SYNPR: variants seen among roughly 807,000 people sequenced by gnomAD.
The protein encoded by SYNPR is synaptoporin.
Under a neutral mutation model 32.9 loss-of-function variants are expected in SYNPR, and 23 were observed. That is an observed-to-expected ratio of 0.70 (90% CI 0.50 to 0.99). The LOEUF is 0.99. SYNPR is among the 50% of genes least tolerant of loss of function. The pLI, the probability that SYNPR is intolerant of heterozygous loss-of-function variation, is 0.00. For missense variants in SYNPR, 318 were observed against 349.3 expected, an observed-to-expected ratio of 0.91 and a Z score of 0.71; for synonymous variants, 146 against 135.9, an observed-to-expected ratio of 1.07 and a Z score of -0.52.
At chr3:63,529,125 C>T (rs17398359) in intron 3 of SYNPR, among the ~76,000 whole-genome samples, 8 of 152,200 alleles carry the variant, frequency 5.3e-5, no homozygotes, top group African/African-American at 1.9e-4. Context: ...TTTATACACA[C>T]ACATAGAAGG....
intron 3 of SYNPR, among the ~76,000 whole-genome samples, chr3:63,482,467 C>A (rs891367702): frequency 2.6e-5 from 4 of 152,134 alleles, no homozygotes; most frequent in African/African-American, 9.7e-5. Context: ...GAGCTTAATG[C>A]CACCAGCCAG....
chr3:63,256,394 C>G (rs1333556186), intron 2 of SYNPR, among the ~76,000 whole-genome samples: 1 of 152,194 alleles, frequency 6.6e-6, no homozygotes, highest in Non-Finnish European at 1.5e-5. Context: ...GATCAGGCAG[C>G]AACATTTGCT....
the SYNPR span, among the ~76,000 whole-genome samples, chr3:63,219,519 C>T: frequency 6.6e-6 from 1 of 152,238 alleles, no homozygotes; most frequent in African/African-American, 2.4e-5. Context: ...GTGCTAACCT[C>T]CCACACCCAA....
chr3:63,244,167 T>C (rs77664241), intron 1 of SYNPR, among the ~76,000 whole-genome samples: 1 of 152,152 alleles, frequency 6.6e-6, no homozygotes, highest in East Asian at 1.9e-4. Context: ...CTGATGGGCT[T>C]GCATGGTGGG....
intron 2 of SYNPR, among the ~76,000 whole-genome samples, chr3:63,468,901 T>A (rs186151663): frequency 0.015 from 2,237 of 151,914 alleles, 50 homozygotes; most frequent in African/African-American, 0.046. Flanking sequence ...CATTTTTTTT[T>A]AAAAAAAGGA....
At chr3:63,427,450 A>G (rs1253641298) in intron 2 of SYNPR, 2 of 152,238 alleles carry the variant, frequency 1.3e-5, no homozygotes, top group Non-Finnish European at 2.9e-5. Context: ...AGAAAAGTAC[A>G]TACTTAGAAC....
chr3:63,299,071 G>A (rs1027328893), intron 2 of SYNPR, among the ~76,000 whole-genome samples: 8 of 152,026 alleles, frequency 5.3e-5, no homozygotes, highest in African/African-American at 1.9e-4. Context: ...CTTTGTCTGA[G>A]CTTATATTAA....
rs868364139 is a variant in SYNPR, at chr3:63,408,327, A to G, written c.85-72505A>G. Among the ~76,000 whole-genome samples the G allele has an allele frequency of 9.7e-4, 114 of 117,062 alleles. 1 individual carries two copies. Among genetic ancestry groups the G allele is most frequent in the Admixed American group, 2.9e-3 (34 of 11,688 alleles). 76.8% of individuals were successfully genotyped at this position (117,062 alleles called of 152,430 possible). A position where few individuals can be genotyped will look rare whatever the true frequency, so the allele number is the denominator to read the frequency against. ...AGGAAGGAAGGAAGGAAGGAAAGAA[A>G]GAAAGAAAGAAAGAAAGAAAGAAAG... On this transcript the variant is annotated intron_variant, in intron 2 of 5. Coordinates refer to ENST00000478300, the MANE Select transcript of SYNPR (RefSeq NM_001130003.2).
At chr3:63,563,546 A>G (rs1702727646) in intron 4 of SYNPR, among the ~76,000 whole-genome samples, 2 of 151,686 alleles carry the variant, frequency 1.3e-5, no homozygotes, top group Non-Finnish European at 2.9e-5. Flanking sequence ...CCTCTCCCCA[A>G]TTCCCCTCTG....
At chr3:63,305,993 C>T (rs770328345) in intron 2 of SYNPR, among the ~76,000 whole-genome samples, 3 of 151,960 alleles carry the variant, frequency 2.0e-5, no homozygotes, top group South Asian at 2.1e-4. Context: ...GCATTTTCAC[C>T]GACCAGTGTC....
intron 2 of SYNPR, among the ~76,000 whole-genome samples, chr3:63,407,346 T>A (rs1264636573): frequency 1.3e-5 from 2 of 152,224 alleles, no homozygotes; most frequent in African/African-American, 4.8e-5. Flanking sequence ...TTACATGAGT[T>A]ATGAACAGCT....
chr3:63,520,492 G>A (rs1379569829), intron 3 of SYNPR, among the ~76,000 whole-genome samples: 4 of 152,066 alleles, frequency 2.6e-5, no homozygotes, highest in Non-Finnish European at 5.9e-5. Flanking sequence ...GACCAACGTG[G>A]TGAAACCCTG....
At chr3:63,491,197 GATA>G (rs1282003960) in intron 3 of SYNPR, among the ~76,000 whole-genome samples, 14 of 152,152 alleles carry the variant, frequency 9.2e-5, no homozygotes, top group African/African-American at 3.4e-4. Context: ...TTATGAAGTA[GATA>G]ATAATCCCAC....
chr3:63,327,213 C>T (rs2087176810), intron 2 of SYNPR, among the ~76,000 whole-genome samples: 1 of 151,974 alleles, frequency 6.6e-6, no homozygotes, highest in Admixed American at 6.6e-5. Context: ...ACCAAAATAA[C>T]CCAAATGAAA....
At chr3:63,410,356 A>T (rs927165649) in intron 2 of SYNPR, among the ~76,000 whole-genome samples, 1 of 152,184 alleles carries the variant, frequency 6.6e-6, no homozygotes, top group African/African-American at 2.4e-5. Flanking sequence ...GCTTTCTGTC[A>T]TCTCAAATAG....
chr3:63,453,652 G>A (rs949044000), intron 2 of SYNPR, among the ~76,000 whole-genome samples: 3 of 152,074 alleles, frequency 2.0e-5, no homozygotes, highest in Non-Finnish European at 4.4e-5. Context: ...ACTGACACTG[G>A]AATGGGTACT....
intron 2 of SYNPR, among the ~76,000 whole-genome samples, chr3:63,265,877 A>G (rs2086481758): frequency 6.6e-6 from 1 of 152,208 alleles, no homozygotes; most frequent in Admixed American, 6.5e-5. Flanking sequence ...GTTTTAAGAA[A>G]TGATATTTAG....
Position 63,553,172 on chromosome 3 carries a change from TAAGC to T in SYNPR, c.210-3367_210-3364del, listed in dbSNP as rs138289190. 6.7e-3 allele frequency among the ~76,000 whole-genome samples: 1,016 copies of T among 152,328 alleles called. 33 individuals carry two copies. In the East Asian group the frequency reaches 0.086, roughly 13 times the overall value. ...GTGCTTCATGTTTAGCTCCCACTGA[TAAGC>T]AAGAACATGCATATTTGGTTTTCTG... is the stretch of plus-strand genomic sequence containing the variant. On this transcript the variant is annotated intron_variant, in intron 3 of 5. Coordinates refer to ENST00000478300, the MANE Select transcript of SYNPR (RefSeq NM_001130003.2).
intron 2 of SYNPR, among the ~76,000 whole-genome samples, chr3:63,449,594 C>T (rs1212102730): frequency 2.6e-5 from 4 of 152,142 alleles, no homozygotes; most frequent in Non-Finnish European, 5.9e-5. Context: ...GTACAGGAAA[C>T]GCAGTAATTG....
Sources: gnomAD v4.1 joint callset for allele counts (sites outside exome capture counted in the v4.1 genomes callset) on GRCh38, gnomAD v4.1.1 for gene constraint, MANE v1.5 for transcripts, NCBI Gene and HGNC (gene_info 2026-07-23, HGNC 2026-07-21) for gene names.